PLA2R1: variants seen among roughly 807,000 people sequenced by gnomAD.
PLA2R1 encodes the protein phospholipase A2 receptor 1, also known as secretory phospholipase A2 receptor.
Under a neutral mutation model 195.9 loss-of-function variants are expected in PLA2R1, and 158 were observed. The ratio of observed to expected loss-of-function variants is 0.81; its 90% CI spans 0.71 to 0.92. The LOEUF (loss-of-function observed/expected upper bound fraction) is 0.92, where lower values mean the gene tolerates loss of function less well. Ranked by LOEUF, PLA2R1 falls within the 40% of genes least tolerant of loss-of-function variation. The probability of loss-of-function intolerance (pLI) is 0.00; values close to 1 mark genes in which losing one functional copy is unlikely to be tolerated. For missense variants in PLA2R1, 1,626 were observed against 1,764.6 expected (o/e 0.92, Z 1.41); for synonymous variants, 586 against 598.2 (o/e 0.98, Z 0.30).
chr2:159,954,612 C>T (rs1174775715), intron 23 of PLA2R1, among the ~76,000 whole-genome samples: 1 of 151,802 alleles, frequency 6.6e-6, no homozygotes, highest in Non-Finnish European at 1.5e-5. Context: ...GACAGGGATA[C>T]CCAGCATTCA....
chr2:159,966,268 A>T (rs1688782659), intron 20 of PLA2R1, among the ~76,000 whole-genome samples: 1 of 152,208 alleles, frequency 6.6e-6, no homozygotes, highest in South Asian at 2.1e-4. Flanking sequence ...ACATTATGCT[A>T]ACTGAAATAA....
At chr2:159,959,212 T>C (rs1198162292) in intron 20 of PLA2R1, among the ~76,000 whole-genome samples, 2 of 152,230 alleles carry the variant, frequency 1.3e-5, no homozygotes, top group African/African-American at 4.8e-5. Flanking sequence ...TATCATTTAA[T>C]GTGAATTCAC....
intron 9 of PLA2R1, among the ~76,000 whole-genome samples, chr2:160,016,293 A>G (rs1320911566): frequency 2.0e-5 from 3 of 151,852 alleles, no homozygotes; most frequent in Non-Finnish European, 4.4e-5. Flanking sequence ...GAAAAAGAAA[A>G]GAAAGAAAGA....
chr2:160,060,312 C>T (rs1379761214), intron 1 of PLA2R1, among the ~76,000 whole-genome samples: 1 of 152,168 alleles, frequency 6.6e-6, no homozygotes, highest in South Asian at 2.1e-4. Context: ...GGTAGCCATA[C>T]CTCAACTTCC....
chr2:160,038,461 C>A (rs956409301), intron 3 of PLA2R1, among the ~76,000 whole-genome samples: 2 of 152,158 alleles, frequency 1.3e-5, no homozygotes, highest in Admixed American at 6.5e-5. Flanking sequence ...AACTGAGATA[C>A]AGGTTGGAGA....
Position 160,031,392 on chromosome 2 carries a change from C to T in PLA2R1, c.841+1567G>A, listed in dbSNP as rs376762495. On this transcript the variant is annotated intron_variant, in intron 4 of 29. Transcript: ENST00000283243. Reference sequence around the variant, plus strand: ...TGATGTAGATCTATATTTACAGATACGGGCAAATGTTCATTAAATGCAGGT... The same window carrying T: ...TGATGTAGATCTATATTTACAGATATGGGCAAATGTTCATTAAATGCAGGT... Among the ~76,000 whole-genome samples, 14 of 152,004 alleles carry T rather than the reference C, an allele frequency of 9.2e-5. No individual in the cohort carries two copies. In the East Asian group the frequency reaches 1.2e-3, roughly 13 times the overall value.
At chr2:160,023,970 G>A (rs1693330641) in intron 6 of PLA2R1, among the ~76,000 whole-genome samples, 1 of 135,706 alleles carries the variant, frequency 7.4e-6, no homozygotes, top group African/African-American at 2.8e-5. Flanking sequence ...GGAAGAGCAA[G>A]GGGACCCTAG....
chr2:159,983,740 T>G (rs1690131220), intron 13 of PLA2R1, among the ~76,000 whole-genome samples, 188 bp downstream of exon 13: 2 of 152,220 alleles, frequency 1.3e-5, no homozygotes, highest in South Asian at 4.1e-4. Flanking sequence ...CACTTTGTTC[T>G]TTGTTTTATG....
intron 3 of PLA2R1, 92 bp downstream of exon 3, chr2:160,041,933 A>G (rs1558992880): frequency 9.9e-7 from 1 of 1,012,748 alleles, no homozygotes; most frequent in Non-Finnish European, 1.5e-6. Flanking sequence ...ACTTCAATAT[A>G]TCAATCCCAG....
rs560328247 is a variant in PLA2R1 at position 159,955,069 on chromosome 2, A to C, written c.3301+130T>G. The C allele has an allele frequency of 2.6e-4, 174 of 663,004 alleles. 1 individual carries two copies. The highest frequency in any genetic ancestry group is 7.6e-4 in the Middle Eastern group (2 of 2,628). 41.1% of individuals were successfully genotyped at this position (663,004 alleles called of 1,614,324 possible). The stretch of plus-strand genomic sequence containing the variant: ...AAATAACTAAACTTATGTAAAGCCA[A>C]AGAAGAAGTGCCTGACACTGTTAGC... On this transcript the variant is annotated intron_variant, in intron 23 of 29. Transcript: ENST00000283243.
intron 13 of PLA2R1, 78 bp downstream of exon 13, chr2:159,983,850 G>C (rs1690136859): frequency 4.5e-6 from 3 of 664,590 alleles, no homozygotes; most frequent in Non-Finnish European, 5.0e-6. Flanking sequence ...ACAACTACTT[G>C]GGATACTCAC....
At chr2:159,975,886 T>C (rs1689516512) in intron 17 of PLA2R1, among the ~76,000 whole-genome samples, 182 bp downstream of exon 17, 2 of 152,148 alleles carry the variant, frequency 1.3e-5, no homozygotes, top group Non-Finnish European at 1.5e-5. Flanking sequence ...CATTATTTTC[T>C]CTTAATCTCT....
At chr2:160,016,146 C>T (rs1267744675) in intron 9 of PLA2R1, among the ~76,000 whole-genome samples, 1 of 151,988 alleles carries the variant, frequency 6.6e-6, no homozygotes, top group Non-Finnish European at 1.5e-5. Flanking sequence ...CGCCTGTAAT[C>T]CCAGCTACTC....
At chr2:159,944,799 T>G in intron 28 of PLA2R1, 107 bp downstream of exon 28, 1 of 794,122 alleles carries the variant, frequency 1.3e-6, no homozygotes, top group South Asian at 1.6e-5. Flanking sequence ...AGAATCTATC[T>G]GAATACTCTC....
rs1158701689 is a variant in PLA2R1, at chr2:159,936,184, C to G, written c.*5594G>C. On this transcript the variant is annotated 3_prime_UTR_variant, in exon 30 of 30. Transcript: ENST00000283243. ...AGCCAGGATGGTCTCGATCTCCTCA[C>G]CTCGTGATCCACCCGCCTCGGCCTC... 2.0e-5 allele frequency: 3 copies of G among 152,100 alleles called. No individual in the cohort carries two copies. Among genetic ancestry groups the G allele is most frequent in the African/African-American group, 7.2e-5 (3 of 41,398 alleles). 9.4% of individuals were successfully genotyped at this position (152,100 alleles called of 1,614,324 possible).
In PLA2R1 at chr2:159,932,012, T is replaced by C. The variant is rs1173395236; in HGVS notation, c.*9766A>G. On this transcript the variant is annotated 3_prime_UTR_variant, in exon 30 of 30. Coordinates refer to ENST00000283243, the MANE Select transcript of PLA2R1 (RefSeq NM_007366.5). The stretch of plus-strand genomic sequence containing the variant: ...ATGCAGTAACAAATATAGGTTATTA[T>C]TTAAGTGTAACGTTAACTTTACTTA... The C allele has an allele frequency of 6.6e-6, 1 of 152,260 alleles. No individual in the cohort carries two copies. The highest frequency in any genetic ancestry group is 1.5e-5 in the Non-Finnish European group (1 of 68,034). 9.4% of individuals were successfully genotyped at this position (152,260 alleles called of 1,614,324 possible).
chr2:159,928,621 T>C (rs1197457832), downstream of PLA2R1, among the ~76,000 whole-genome samples: 3 of 152,090 alleles, frequency 2.0e-5, no homozygotes, highest in Non-Finnish European at 4.4e-5. Flanking sequence ...CCCATCAAAA[T>C]ACTACCATAA....
At chr2:160,018,369 G>A (rs565106659) in intron 8 of PLA2R1, among the ~76,000 whole-genome samples, 4 of 152,244 alleles carry the variant, frequency 2.6e-5, no homozygotes, top group African/African-American at 7.2e-5. Flanking sequence ...TGGGCCAGGC[G>A]CGGTTGCCCA....
intron 17 of PLA2R1, among the ~76,000 whole-genome samples, chr2:159,972,538 A>G (rs1274606700): frequency 6.6e-6 from 1 of 152,236 alleles, no homozygotes; most frequent in Non-Finnish European, 1.5e-5. Flanking sequence ...AAGCAATATA[A>G]GGAAGAACAA....
Sources: allele counts gnomAD v4.1 joint callset (sites outside exome capture counted in the v4.1 genomes callset), GRCh38; gene constraint gnomAD v4.1.1; transcripts MANE v1.5; gene names NCBI Gene and HGNC (gene_info 2026-07-23, HGNC 2026-07-21).